The following PRKN variants were observed in gnomAD, a reference collection of about 807,000 sequenced individuals.
PRKN encodes parkin RBR E3 ubiquitin protein ligase.
A neutral mutation model predicts 59.5 loss-of-function variants in PRKN; 56 were observed. The ratio of observed to expected loss-of-function variants is 0.94; its 90% confidence interval spans 0.76 to 1.18. The LOEUF is 1.18. PRKN is among the 50% of genes most tolerant of loss of function. PRKN has a pLI of 0.00. For missense variants in PRKN, 657 were observed against 596.4 expected (o/e 1.10, Z -1.06); for synonymous variants, 250 against 222.1 (o/e 1.13, Z -1.12).
chr6:162,422,203 G>C (rs1789005963), intron 2 of PRKN, among the ~76,000 whole-genome samples: 1 of 152,128 alleles, frequency 6.6e-6, no homozygotes, highest in Non-Finnish European at 1.5e-5. Context: ...TATTTTCTGA[G>C]TTATTTTGTT....
intron 1 of PRKN, among the ~76,000 whole-genome samples, chr6:162,589,708 G>C (rs903115752): frequency 2.0e-5 from 3 of 152,084 alleles, no homozygotes; most frequent in Non-Finnish European, 4.4e-5. Context: ...GATACACTTA[G>C]GCTTATTGTT....
At position 161,554,564 on chromosome 6, in the gene PRKN, TAGTAAC is replaced by T. The variant is rs1780159891; in HGVS notation, c.934-5567_934-5562del. ...GAAATACAGTCACTGAGTTCTTCCA[TAGTAAC>T]AGTTTATTTAGGGCTTTTATTCTTG... On this transcript the variant is annotated intron_variant, in intron 8 of 11. Transcript: ENST00000366898. This position sits in a 1 kb window ranked among gnomAD's most constrained non-coding sequence, Gnocchi z 4.5. Among the ~76,000 whole-genome samples the T allele has an allele frequency of 1.3e-5, 2 of 152,160 alleles. No homozygotes were observed. Among genetic ancestry groups the T allele is most frequent in the South Asian group, 4.1e-4 (2 of 4,822 alleles).
At chr6:161,878,545 A>C (rs1203418538) in intron 6 of PRKN, among the ~76,000 whole-genome samples, 1 of 152,216 alleles carries the variant, frequency 6.6e-6, no homozygotes, top group African/African-American at 2.4e-5. Context: ...GATTTACTTT[A>C]TAGTAGGATC....
chr6:161,550,386 C>A lies in PRKN; in HGVS notation c.934-1383G>T, dbSNP rs1212482456. Among the ~76,000 whole-genome samples the A allele has an allele frequency of 3.3e-5, 5 of 152,274 alleles. No homozygotes were observed. On this transcript the variant is annotated intron_variant, in intron 8 of 11. Coordinates refer to ENST00000366898, the MANE Select transcript of PRKN (RefSeq NM_004562.3). The surrounding 1 kb of genome is among the most constrained non-coding windows in gnomAD (Gnocchi z 4.0). ...AATTTGACTAATATTTTAAAGACAT[C>A]CACCTGGCTGCTATGTTCGGAATAC...
intron 6 of PRKN, among the ~76,000 whole-genome samples, chr6:161,959,291 C>T (rs1040619571): frequency 2.6e-5 from 4 of 152,082 alleles, no homozygotes; most frequent in South Asian, 4.2e-4. Flanking sequence ...CCCTGGCAGC[C>T]GCACCGAGAG....
intron 1 of PRKN, among the ~76,000 whole-genome samples, chr6:162,517,596 C>T (rs1176293686): frequency 6.6e-5 from 10 of 152,028 alleles, no homozygotes; most frequent in Admixed American, 6.6e-5. Flanking sequence ...ATTATTCCAT[C>T]GAGCAGCAAA....
In PRKN at chr6:161,475,972, G is replaced by A. The variant is rs1023691740; in HGVS notation, c.1083+72882C>T. ...GAGGCCAAGGTGGGCGGATCACGAG[G>A]TCAGGAGATGGAGACCATCCTGGTT... On this transcript the variant is annotated intron_variant, in intron 9 of 11. Transcript: ENST00000366898. This position sits in a 1 kb window ranked among gnomAD's most constrained non-coding sequence, Gnocchi z 5.3. Among the ~76,000 whole-genome samples, 7 of 152,174 alleles carry A rather than the reference G, an allele frequency of 4.6e-5. No individual in the cohort carries two copies. The East Asian group carries it at 1.2e-3, about 25-fold the overall frequency.
Position 162,389,021 on chromosome 6 carries a change from A to AAAC in PRKN, c.171+54288_171+54289insGTT, listed in dbSNP as rs1554312400. ...CAGTTCCTCCAGAAAAAAAAAAAAAAAAACAAAAAAACCTGACCCTCAATT... is the reference window on the plus strand; with the variant it reads ...CAGTTCCTCCAGAAAAAAAAAAAAAAAACAAACAAAAAAACCTGACCCTCAATT... On this transcript the variant is annotated intron_variant, in intron 2 of 11. Coordinates refer to ENST00000366898, the MANE Select transcript of PRKN (RefSeq NM_004562.3). Among the ~76,000 whole-genome samples, 13 of 151,376 alleles carry AAAC rather than the reference A, an allele frequency of 8.6e-5. No individual in the cohort carries two copies. In the South Asian group the frequency reaches 2.3e-3, roughly 27 times the overall value.
intron 1 of PRKN, among the ~76,000 whole-genome samples, chr6:162,517,428 T>G (rs1367111577): frequency 6.6e-6 from 1 of 151,638 alleles, no homozygotes; most frequent in Non-Finnish European, 1.5e-5. Context: ...GTTTTTTTTT[T>G]TGTATTTTTA....
At chr6:161,995,630 C>T (rs908916497) in intron 5 of PRKN, among the ~76,000 whole-genome samples, 3 of 151,918 alleles carry the variant, frequency 2.0e-5, no homozygotes, top group Non-Finnish European at 4.4e-5. Context: ...AGAAGACATA[C>T]AAATGGCCAA....
chr6:162,634,083 C>T (rs892036769), intron 1 of PRKN, among the ~76,000 whole-genome samples: 5 of 152,026 alleles, frequency 3.3e-5, no homozygotes, highest in Admixed American at 1.3e-4. Context: ...AATAGTGACT[C>T]CCCTGAAACA....
At chr6:161,809,192 A>AT (rs1791459523) in intron 6 of PRKN, among the ~76,000 whole-genome samples, 1 of 152,106 alleles carries the variant, frequency 6.6e-6, no homozygotes, top group Non-Finnish European at 1.5e-5. Context: ...GATAGAAAAT[A>AT]TTTTTTAGTT....
At chr6:161,542,078 A>C (rs1438981586) in intron 9 of PRKN, among the ~76,000 whole-genome samples, 1 of 152,190 alleles carries the variant, frequency 6.6e-6, no homozygotes, top group Non-Finnish European at 1.5e-5. Context: ...GAAGATGATG[A>C]GGGTGAAGGC....
chr6:162,477,023 T>C (rs998437146), intron 1 of PRKN, among the ~76,000 whole-genome samples: 1 of 152,196 alleles, frequency 6.6e-6, no homozygotes. Context: ...GCAGCAACTC[T>C]GACTGAAGCT....
At chr6:161,713,552 G>C (rs1474277902) in intron 7 of PRKN, among the ~76,000 whole-genome samples, 1 of 152,128 alleles carries the variant, frequency 6.6e-6, no homozygotes, top group Non-Finnish European at 1.5e-5. Context: ...GAGGTTTTTA[G>C]GACCTCTATG....
rs1781215299 is a variant in PRKN, at chr6:161,578,392, C to T, written c.872-8976G>A. 1.3e-5 allele frequency among the ~76,000 whole-genome samples: 2 copies of T among 152,156 alleles called. No homozygotes were observed. The highest frequency in any genetic ancestry group is 2.4e-5 in the African/African-American group (1 of 41,428). On this transcript the variant is annotated intron_variant, in intron 7 of 11. Transcript: ENST00000366898. The surrounding 1 kb of genome is among the most constrained non-coding windows in gnomAD (Gnocchi z 4.2). ...AAGAAACTCCTGCAAATAATTTAACCAGACAGTTTGCTCATCTGAGTAGCC... is the reference window on the plus strand; with the variant it reads ...AAGAAACTCCTGCAAATAATTTAACTAGACAGTTTGCTCATCTGAGTAGCC...
At chr6:162,194,579 C>T (rs553338702) in intron 4 of PRKN, among the ~76,000 whole-genome samples, 2 of 152,042 alleles carry the variant, frequency 1.3e-5, no homozygotes, top group Admixed American at 1.3e-4. Context: ...TTAAGGAGAC[C>T]CCTTTACATA....
At chr6:161,838,197 T>A (rs1400107316) in intron 6 of PRKN, among the ~76,000 whole-genome samples, 1 of 152,228 alleles carries the variant, frequency 6.6e-6, no homozygotes, top group Non-Finnish European at 1.5e-5. Context: ...ATGCTATGGT[T>A]TAAGTATTAT....
chr6:162,081,008 C>T (rs914497962), intron 4 of PRKN, among the ~76,000 whole-genome samples: 2 of 152,048 alleles, frequency 1.3e-5, no homozygotes, highest in Admixed American at 1.3e-4. Flanking sequence ...ACTCCTCATC[C>T]GTTCATATTT....
Sources: gnomAD v4.1 joint callset for allele counts (sites outside exome capture counted in the v4.1 genomes callset) on GRCh38, gnomAD v4.1.1 for gene constraint, Gnocchi (gnomAD v3.1) non-coding constraint, MANE v1.5 for transcripts, NCBI Gene and HGNC (gene_info 2026-07-23, HGNC 2026-07-21) for gene names.